The following LARP1B variants were observed in gnomAD, a reference collection of about 807,000 sequenced individuals.
LARP1B encodes la-related protein 1B.
Under a neutral mutation model 114.2 loss-of-function variants are expected in LARP1B, and 76 were observed. That is an observed-to-expected ratio of 0.67 (90% confidence interval 0.55 to 0.81). The LOEUF is 0.81. Among genes scored for constraint, LARP1B ranks in the 30% least tolerant of loss-of-function variants. The pLI is 0.00. For missense variants in LARP1B, 1,014 were observed against 1,075.8 expected (o/e 0.94, Z 0.80); for synonymous variants, 345 against 348.0 (o/e 0.99, Z 0.10).
chr4:128,171,147 G>C (rs1743513992), intron 12 of LARP1B, among the ~76,000 whole-genome samples: 1 of 151,080 alleles, frequency 6.6e-6, no homozygotes, highest in Admixed American at 6.6e-5. Flanking sequence ...CCCACCCCAA[G>C]AGATAGGGTC....
At chr4:128,140,824 G>GGTTTTTTT (rs1554037567) in intron 11 of LARP1B, among the ~76,000 whole-genome samples, 8 of 138,628 alleles carry the variant, frequency 5.8e-5, no homozygotes, top group African/African-American at 2.1e-4. Flanking sequence ...AATTGTCTCT[G>GGTTTTTTT]TTTTTTTTTT....
chr4:128,085,725 C>G (rs1773219205), intron 5 of LARP1B, among the ~76,000 whole-genome samples: 1 of 152,142 alleles, frequency 6.6e-6, no homozygotes, highest in African/African-American at 2.4e-5. Flanking sequence ...TTTGTCTTTT[C>G]ATCTGTTGAT....
intron 12 of LARP1B, among the ~76,000 whole-genome samples, chr4:128,166,796 CTATA>C (rs1276986743): frequency 6.7e-6 from 1 of 150,304 alleles, no homozygotes; most frequent in Non-Finnish European, 1.5e-5. Context: ...TTTAAAGATT[CTATA>C]TATAAGTGAC....
chr4:128,169,093 G>C (rs1742394143), intron 12 of LARP1B, among the ~76,000 whole-genome samples: 1 of 151,852 alleles, frequency 6.6e-6, no homozygotes, highest in African/African-American at 2.4e-5. Context: ...ACTGTTCGTA[G>C]GTTCTGTAGA....
rs371319932 is a variant in LARP1B at position 128,098,235 on chromosome 4, G to A, written c.718G>A (p.Gly240Arg). The change falls in exon 8 of 20, where the codon GGA becomes AGA. Residue 240 changes from glycine to arginine, a missense_variant. Coordinates refer to ENST00000326639, the MANE Select transcript of LARP1B (RefSeq NM_018078.4). ...ENLERDFFLR[G>R]KMDEQGFLPI... ...TTTGGAACGAGACTTCTTTCTTCGG[G>A]GAAAGATGGATGAACAAGGTTTCTT... 8.7e-6 allele frequency: 14 copies of A among 1,612,728 alleles called. No homozygotes were observed. Among genetic ancestry groups the A allele is most frequent in the African/African-American group, 2.7e-5 (2 of 74,842 alleles).
At chr4:128,146,146 G>A (rs544540499) in intron 11 of LARP1B, among the ~76,000 whole-genome samples, 1 of 152,112 alleles carries the variant, frequency 6.6e-6, no homozygotes, top group Admixed American at 6.6e-5. Flanking sequence ...GTCTATATGT[G>A]TACGTGTGTG....
intron 11 of LARP1B, among the ~76,000 whole-genome samples, chr4:128,129,877 C>T (rs181637581): frequency 2.6e-5 from 4 of 151,962 alleles, no homozygotes; most frequent in African/African-American, 4.8e-5. Flanking sequence ...GACGGACCAT[C>T]GTCCAAAATG....
chr4:128,069,143 A>G, intron 1 of LARP1B: 2 of 1,102,788 alleles, frequency 1.8e-6, no homozygotes, highest in Non-Finnish European at 1.4e-6. Context: ...ATGGCAGCCC[A>G]TGCATCTTCC....
intron 9 of LARP1B, chr4:128,107,841 C>T: frequency 2.0e-6 from 3 of 1,489,066 alleles, no homozygotes; most frequent in East Asian, 2.5e-5. Flanking sequence ...ATTTTTAAGA[C>T]ATTCCCTCTT....
chr4:128,131,262 CTG>C (rs1791491120), intron 11 of LARP1B, among the ~76,000 whole-genome samples: 1 of 152,076 alleles, frequency 6.6e-6, no homozygotes, highest in Admixed American at 6.6e-5. Context: ...ATGGTATACT[CTG>C]TACTTTCTGC....
At chr4:128,073,375 C>G (rs1189752318) in intron 1 of LARP1B, among the ~76,000 whole-genome samples, 1 of 127,550 alleles carries the variant, frequency 7.8e-6, no homozygotes. Flanking sequence ...AAGATTGCGC[C>G]ACTGCACTCC....
chr4:128,129,230 C>T (rs1170621879), intron 11 of LARP1B, among the ~76,000 whole-genome samples: 6 of 142,048 alleles, frequency 4.2e-5, no homozygotes, highest in Non-Finnish European at 9.0e-5. Context: ...TGGCGCGTGC[C>T]TGTAGTCCCA....
At chr4:128,065,569 T>G (rs572691277) in intron 1 of LARP1B, among the ~76,000 whole-genome samples, 2 of 152,022 alleles carry the variant, frequency 1.3e-5, no homozygotes, top group South Asian at 4.1e-4. Flanking sequence ...GTTAAATAAC[T>G]TAGGTAACTT....
chr4:128,103,857 T>G (rs889747877), intron 8 of LARP1B, among the ~76,000 whole-genome samples: 2 of 152,010 alleles, frequency 1.3e-5, no homozygotes, highest in African/African-American at 4.8e-5. Context: ...CCACCATGCC[T>G]GGCCTCCTCT....
intron 5 of LARP1B, among the ~76,000 whole-genome samples, chr4:128,085,827 C>G (rs1309585778): frequency 6.6e-6 from 1 of 152,162 alleles, no homozygotes; most frequent in Non-Finnish European, 1.5e-5. Flanking sequence ...ATGTATTTCT[C>G]AAATGCCTGT....
chr4:128,089,972 C>T (rs190942538), intron 5 of LARP1B, among the ~76,000 whole-genome samples: 4 of 151,680 alleles, frequency 2.6e-5, no homozygotes, highest in East Asian at 2.0e-4. Context: ...AGGGTTTCGC[C>T]ATGTTTCCCA....
At chr4:128,198,582 T>C (rs1023904473) in intron 15 of LARP1B, among the ~76,000 whole-genome samples, 1 of 152,260 alleles carries the variant, frequency 6.6e-6, no homozygotes, top group Non-Finnish European at 1.5e-5. Flanking sequence ...ACCATTGCTT[T>C]TGTACCATCA....
chr4:128,157,052 AAAAC>A (rs1736097633), intron 11 of LARP1B, among the ~76,000 whole-genome samples: 1 of 152,088 alleles, frequency 6.6e-6, no homozygotes, highest in African/African-American at 2.4e-5. Flanking sequence ...TGATAGAAAA[AAAAC>A]AAAAGAAACA....
intron 5 of LARP1B, among the ~76,000 whole-genome samples, chr4:128,089,568 T>C (rs1004368262): frequency 6.6e-6 from 1 of 152,082 alleles, no homozygotes; most frequent in Non-Finnish European, 1.5e-5. Context: ...ACTCCTGACC[T>C]CAAGTGATCC....
Sources: allele counts gnomAD v4.1 joint callset (sites outside exome capture counted in the v4.1 genomes callset), GRCh38; gene constraint gnomAD v4.1.1; transcripts MANE v1.5; gene names NCBI Gene and HGNC (gene_info 2026-07-23, HGNC 2026-07-21).